Variants in SLC4A8 observed in about 807,000 individuals in gnomAD.
SLC4A8 encodes electroneutral sodium bicarbonate exchanger 1.
SLC4A8 carries 40 observed loss-of-function variants against 125.0 expected under a neutral mutation model. The observed-to-expected ratio is 0.32, with a 90% CI of 0.25 to 0.42. The LOEUF is 0.42. Ranked by LOEUF, SLC4A8 falls within the 10% of genes least tolerant of loss-of-function variation. The pLI, the probability that SLC4A8 is intolerant of heterozygous loss-of-function variation, is 1.00. For synonymous variants in SLC4A8, 456 were observed against 476.0 expected (o/e 0.96, Z 0.55); for missense variants, 863 against 1,355.1 (o/e 0.64, Z 5.70).
rs1938450707 is a variant in SLC4A8 at position 51,513,973 on chromosome 12, A to C, written c.*6535A>C. The stretch of plus-strand genomic sequence containing the variant: ...GACTTCCCTCTTAGTAAAGGAATTC[A>C]TAATTCTCCCTGCATCTTCTCTGTT... On this transcript the variant is annotated 3_prime_UTR_variant, in exon 25 of 25. Coordinates refer to ENST00000453097, the MANE Select transcript of SLC4A8 (RefSeq NM_001039960.3). The C allele has an allele frequency of 6.6e-6, 1 of 152,240 alleles. No individual in the cohort carries two copies. Among genetic ancestry groups the C allele is most frequent in the Non-Finnish European group, 1.5e-5 (1 of 68,046 alleles). The allele number at this position is 152,240 out of a possible 1,614,324, so 9.4% of individuals were successfully genotyped here.
chr12:51,465,121 A>C (rs1005029037), intron 11 of SLC4A8, among the ~76,000 whole-genome samples: 1 of 152,306 alleles, frequency 6.6e-6, no homozygotes, highest in South Asian at 2.1e-4. Flanking sequence ...CAAGGGAAGC[A>C]TATGTCCTCA....
chr12:51,413,507 G>C (rs955731176), intron 1 of SLC4A8, among the ~76,000 whole-genome samples: 2 of 152,130 alleles, frequency 1.3e-5, no homozygotes, highest in African/African-American at 4.8e-5. Context: ...ATGTCCTGCA[G>C]CATTTCCTGT....
intron 1 of SLC4A8, among the ~76,000 whole-genome samples, chr12:51,412,410 C>G (rs1948612138): frequency 6.6e-6 from 1 of 152,130 alleles, no homozygotes; most frequent in African/African-American, 2.4e-5. Context: ...TTACCTTGAA[C>G]ATTTATTATA....
chr12:51,449,474 C>T (rs1442760161), intron 2 of SLC4A8, among the ~76,000 whole-genome samples: 3 of 150,922 alleles, frequency 2.0e-5, no homozygotes, highest in Non-Finnish European at 4.4e-5. Flanking sequence ...CTGCTCTCAG[C>T]AGGAAGGAAT....
chr12:51,474,914 G>A, intron 15 of SLC4A8, 131 bp from the exon 16 acceptor site: 1 of 817,352 alleles, frequency 1.2e-6, no homozygotes, highest in Non-Finnish European at 1.9e-6. Context: ...CTGCATAAAG[G>A]TCAAGGGGAT....
intron 17 of SLC4A8, 115 bp from the exon 18 acceptor site, chr12:51,488,571 CTTTTTTTTTTTTT>C (rs10706140): frequency 1.2e-5 from 6 of 508,156 alleles, no homozygotes. Flanking sequence ...TATTTCATGC[CTTTTTTTTTTTTT>C]TTTAAGAACC....
At chr12:51,460,364 A>C (rs896609624) in intron 8 of SLC4A8, among the ~76,000 whole-genome samples, 6 of 148,402 alleles carry the variant, frequency 4.0e-5, no homozygotes, top group Non-Finnish European at 7.4e-5. Flanking sequence ...ATGGCACCCC[A>C]GTGTGGGTGA....
intron 1 of SLC4A8, among the ~76,000 whole-genome samples, chr12:51,433,438 TA>T (rs1330384675): frequency 1.3e-5 from 2 of 152,206 alleles, no homozygotes; most frequent in Non-Finnish European, 2.9e-5. Flanking sequence ...TAAGCTTATA[TA>T]ATGTGTTTCT....
At chr12:51,404,883 A>T (rs1041072180) in intron 1 of SLC4A8, among the ~76,000 whole-genome samples, 7 of 151,480 alleles carry the variant, frequency 4.6e-5, no homozygotes, top group Admixed American at 4.6e-4. Flanking sequence ...TTTTGATTGA[A>T]ATTTGTTTGA....
In SLC4A8 at chr12:51,488,679, T is replaced by A; in HGVS notation, c.2287-20T>A. 6.2e-7 allele frequency: 1 copy of A among 1,600,794 alleles called. No homozygotes were observed. The highest frequency in any genetic ancestry group is 8.5e-7 in the Non-Finnish European group (1 of 1,171,014). ...ATGACTATAACTTAAAATACAAAAA[T>A]AATATATTTTCCCCCTTAGCCAACA... On this transcript the variant is annotated intron_variant, in intron 17 of 24. Coordinates refer to ENST00000453097, the MANE Select transcript of SLC4A8 (RefSeq NM_001039960.3).
At chr12:51,425,258 C>G (rs1592160511) in intron 1 of SLC4A8, 1 of 1,333,282 alleles carries the variant, frequency 7.5e-7, no homozygotes, top group African/African-American at 1.5e-5. Flanking sequence ...TGGCCCATCT[C>G]TGCCGCATCC....
chr12:51,497,636 A>G (rs1314429826), intron 22 of SLC4A8: 2 of 152,986 alleles, frequency 1.3e-5, no homozygotes, highest in East Asian at 3.8e-4. Flanking sequence ...AAGAATGTGT[A>G]GCAAATGAAA....
chr12:51,478,250 G>C (rs953095306), intron 16 of SLC4A8, among the ~76,000 whole-genome samples: 1 of 150,814 alleles, frequency 6.6e-6, no homozygotes, highest in African/African-American at 2.4e-5. Flanking sequence ...ACTCCAGCCT[G>C]GGGGACAGAG....
chr12:51,393,282 A>G lies in SLC4A8; in HGVS notation c.-112+1794A>G, dbSNP rs149490241. 2.0e-4 allele frequency among the ~76,000 whole-genome samples: 31 copies of G among 151,942 alleles called. No individual in the cohort carries two copies. The East Asian group carries it at 5.8e-3, about 28-fold the overall frequency. ...GCCCAGCTAACTTTTTTTTGTAGAGAGGGAGTTTCGCCATGTTGCCCAGGT... is the reference window on the plus strand; with the variant it reads ...GCCCAGCTAACTTTTTTTTGTAGAGGGGGAGTTTCGCCATGTTGCCCAGGT... On this transcript the variant is annotated intron_variant, in intron 1 of 24. Transcript: ENST00000358657.
In SLC4A8 at chr12:51,450,793, C is replaced by G. The variant is rs1949939364; in HGVS notation, c.131-83C>G. 3 of 1,459,622 alleles carry G rather than the reference C, an allele frequency of 2.1e-6. No homozygotes were observed. In the Admixed American group the frequency reaches 5.6e-5, roughly 27 times the overall value. 90.4% of individuals were successfully genotyped at this position (1,459,622 alleles called of 1,614,324 possible). Reference sequence around the variant, plus strand: ...GACCAAAGAACTGTGATATTTTTTTCTCTTAACTATGCTAGGCTTTTTGTT... The same window carrying G: ...GACCAAAGAACTGTGATATTTTTTTGTCTTAACTATGCTAGGCTTTTTGTT... On this transcript the variant is annotated intron_variant, in intron 2 of 24. Transcript: ENST00000453097.
At chr12:51,395,336 CT>C (rs11368100) in intron 1 of SLC4A8, among the ~76,000 whole-genome samples, 38,575 of 147,852 alleles carry the variant, frequency 0.26, 5,205 homozygotes, top group Non-Finnish European at 0.31. Context: ...CTATGAATTT[CT>C]TTTTTTTTTT....
At chr12:51,499,624 TACAC>T (rs143239328) in intron 22 of SLC4A8, among the ~76,000 whole-genome samples, 4,920 of 143,282 alleles carry the variant, frequency 0.034, 186 homozygotes, top group African/African-American at 0.099. Flanking sequence ...GCTATAATTC[TACAC>T]ACACACACAC....
chr12:51,407,226 A>G (rs940156590), intron 1 of SLC4A8, among the ~76,000 whole-genome samples: 4 of 152,178 alleles, frequency 2.6e-5, no homozygotes, highest in African/African-American at 7.2e-5. Flanking sequence ...ATACTGTTGC[A>G]TTAGAGATTA....
At chr12:51,451,333 T>A (rs1949965534) in intron 3 of SLC4A8, among the ~76,000 whole-genome samples, 1 of 152,190 alleles carries the variant, frequency 6.6e-6, no homozygotes, top group East Asian at 1.9e-4. Context: ...CCGGTCTCGA[T>A]ATCCTGACCT....
Sources: gnomAD v4.1 joint callset for allele counts (sites outside exome capture counted in the v4.1 genomes callset) on GRCh38, gnomAD v4.1.1 for gene constraint, MANE v1.5 for transcripts, NCBI Gene and HGNC (gene_info 2026-07-23, HGNC 2026-07-21) for gene names.